KSR1: variants seen among roughly 807,000 people sequenced by gnomAD.
KSR1 encodes kinase suppressor of ras.
KSR1 carries 35 observed loss-of-function variants against 92.9 expected under a neutral mutation model. The observed-to-expected ratio is 0.38, with a 90% CI of 0.29 to 0.50. The LOEUF is 0.50. Ranked by LOEUF, KSR1 falls within the 20% of genes least tolerant of loss-of-function variation. The probability of loss-of-function intolerance (pLI) is 0.94; values close to 1 mark genes in which losing one functional copy is unlikely to be tolerated. For missense variants in KSR1, 972 were observed against 1,158.5 expected, an observed-to-expected ratio of 0.84 and a Z score of 2.34; for synonymous variants, 467 against 472.6, an observed-to-expected ratio of 0.99 and a Z score of 0.15.
intron 1 of KSR1, among the ~76,000 whole-genome samples, chr17:27,475,782 G>C (rs2068323082): frequency 6.6e-6 from 1 of 152,174 alleles, no homozygotes. Context: ...GGGAGGTTTG[G>C]CAGACCATGG....
At chr17:27,592,978 G>A (rs1164811373) in intron 9 of KSR1, among the ~76,000 whole-genome samples, 1 of 152,230 alleles carries the variant, frequency 6.6e-6, no homozygotes, top group African/African-American at 2.4e-5. Context: ...CATCCCGAGA[G>A]CAAGAGACAA....
intron 20 of KSR1, chr17:27,622,278 C>G (rs2074246574): frequency 5.4e-6 from 2 of 368,248 alleles, no homozygotes; most frequent in South Asian, 2.7e-5. Flanking sequence ...TTGGGTGGCT[C>G]TGTCTCACTG....
intron 2 of KSR1, among the ~76,000 whole-genome samples, chr17:27,565,860 T>G (rs898118550): frequency 6.6e-6 from 1 of 152,262 alleles, no homozygotes; most frequent in African/African-American, 2.4e-5. Context: ...TAGCCAGCAC[T>G]TAACTGTTTT....
chr17:27,563,606 A>G (rs978818558), intron 2 of KSR1, among the ~76,000 whole-genome samples: 7 of 152,162 alleles, frequency 4.6e-5, no homozygotes, highest in African/African-American at 1.4e-4. Context: ...CGCTTAGCAC[A>G]AAATCCAAAC....
intron 5 of KSR1, 90 bp downstream of exon 5, chr17:27,585,751 T>C: frequency 2.8e-6 from 2 of 720,988 alleles, no homozygotes; most frequent in South Asian, 3.0e-5. Flanking sequence ...TTGACCCACC[T>C]CTTAGCCCGT....
chr17:27,568,207 G>T (rs141886707), intron 2 of KSR1, among the ~76,000 whole-genome samples: 1 of 152,308 alleles, frequency 6.6e-6, no homozygotes, highest in Admixed American at 6.5e-5. Context: ...TCCAAAACCC[G>T]ACAGCTCTTG....
intron 1 of KSR1, among the ~76,000 whole-genome samples, chr17:27,470,778 C>T (rs577068432): frequency 2.4e-4 from 37 of 152,256 alleles, no homozygotes; most frequent in African/African-American, 8.9e-4. Context: ...TACCTTTCTT[C>T]TTCTCTCCTT....
intron 1 of KSR1, among the ~76,000 whole-genome samples, chr17:27,464,033 C>T (rs1170444760): frequency 6.6e-6 from 1 of 152,178 alleles, no homozygotes; most frequent in Non-Finnish European, 1.5e-5. Context: ...TAAAGGAGCA[C>T]TGAGTTGGGA....
At chr17:27,492,098 G>A (rs2068848781) in intron 1 of KSR1, among the ~76,000 whole-genome samples, 1 of 152,204 alleles carries the variant, frequency 6.6e-6, no homozygotes, top group South Asian at 2.1e-4. Flanking sequence ...GTACTGACAA[G>A]CAGATTAGTT....
chr17:27,501,495 C>T (rs920817867), intron 1 of KSR1, among the ~76,000 whole-genome samples: 1 of 151,948 alleles, frequency 6.6e-6, no homozygotes, highest in Non-Finnish European at 1.5e-5. Flanking sequence ...CAGCCTCTCC[C>T]ATCACAGGCC....
At chr17:27,498,551 G>T (rs1359757020) in intron 1 of KSR1, among the ~76,000 whole-genome samples, 1 of 152,138 alleles carries the variant, frequency 6.6e-6, no homozygotes, top group African/African-American at 2.4e-5. Context: ...ATTGCTTGGG[G>T]AAGCTTATAG....
chr17:27,495,521 CT>C (rs2068955014), intron 1 of KSR1, among the ~76,000 whole-genome samples: 2 of 152,188 alleles, frequency 1.3e-5, no homozygotes, highest in African/African-American at 2.4e-5. Context: ...ATATAGCCCC[CT>C]GATCTGCCCC....
intron 6 of KSR1, among the ~76,000 whole-genome samples, chr17:27,589,808 A>G (rs1273104490): frequency 2.6e-5 from 4 of 152,196 alleles, no homozygotes; most frequent in African/African-American, 9.7e-5. Context: ...TTGAAAATAC[A>G]CTGATACGTT....
chr17:27,561,476 C>A (rs2071825268), intron 2 of KSR1, among the ~76,000 whole-genome samples: 1 of 152,218 alleles, frequency 6.6e-6, no homozygotes, highest in African/African-American at 2.4e-5. Context: ...ATGCTTACAG[C>A]TAGTGTGATG....
At chr17:27,569,514 GCCAAAC>G (rs1807196781) in intron 2 of KSR1, among the ~76,000 whole-genome samples, 1 of 152,256 alleles carries the variant, frequency 6.6e-6, no homozygotes, top group South Asian at 2.1e-4. Context: ...TTTGGGGGTT[GCCAAAC>G]TCTGGCCCTT....
At chr17:27,530,175 C>G (rs1049832626) in intron 1 of KSR1, among the ~76,000 whole-genome samples, 11 of 152,224 alleles carry the variant, frequency 7.2e-5, no homozygotes, top group South Asian at 2.1e-4. Flanking sequence ...AAAGACCCAG[C>G]AGGGGCTGGG....
intron 1 of KSR1, among the ~76,000 whole-genome samples, chr17:27,482,549 T>C (rs1203538104): frequency 6.6e-6 from 1 of 152,252 alleles, no homozygotes; most frequent in Non-Finnish European, 1.5e-5. Flanking sequence ...TGCAGCATTA[T>C]TTTATACTGA....
chr17:27,551,531 A>T (rs2071396116), intron 2 of KSR1, among the ~76,000 whole-genome samples: 1 of 151,504 alleles, frequency 6.6e-6, no homozygotes, highest in Admixed American at 6.6e-5. Context: ...TACTCCTAAC[A>T]CTCAGAAAAT....
At chr17:27,563,005 T>G (rs371953832) in intron 2 of KSR1, among the ~76,000 whole-genome samples, 1 of 152,222 alleles carries the variant, frequency 6.6e-6, no homozygotes, top group Non-Finnish European at 1.5e-5. Flanking sequence ...TCATTGTGCT[T>G]CCTCAATGCC....
Sources: allele counts gnomAD v4.1 joint callset (sites outside exome capture counted in the v4.1 genomes callset), GRCh38; gene constraint gnomAD v4.1.1; transcripts MANE v1.5; gene names NCBI Gene and HGNC (gene_info 2026-07-23, HGNC 2026-07-21).